SYK: variants seen among roughly 807,000 people sequenced by gnomAD.
SYK encodes tyrosine-protein kinase SYK.
SYK carries 16 observed loss-of-function variants against 77.8 expected under a neutral mutation model. That is an observed-to-expected ratio of 0.21 (90% CI 0.14 to 0.31). The LOEUF (loss-of-function observed/expected upper bound fraction) is 0.31, where lower values mean the gene tolerates loss of function less well. SYK is among the 10% of genes least tolerant of loss of function. The pLI, the probability that SYK is intolerant of heterozygous loss-of-function variation, is 1.00. For synonymous variants in SYK, 312 were observed against 308.7 expected, an observed-to-expected ratio of 1.01 and a Z score of -0.11; for missense variants, 529 against 814.4, an observed-to-expected ratio of 0.65 and a Z score of 4.26.
chr9:90,841,059 T>A (rs1826293131), intron 1 of SYK, among the ~76,000 whole-genome samples: 1 of 144,568 alleles, frequency 6.9e-6, no homozygotes, highest in African/African-American at 2.4e-5. Context: ...TAGTGTAGTG[T>A]TAGTTGTGTG....
At chr9:90,892,849 G>A (rs928549565) in intron 13 of SYK, among the ~76,000 whole-genome samples, 9 of 152,260 alleles carry the variant, frequency 5.9e-5, no homozygotes, top group African/African-American at 2.2e-4. Context: ...TTCTCTGAGA[G>A]TCAGGGAGGC....
chr9:90,875,175 G>A (rs116290818), intron 9 of SYK, among the ~76,000 whole-genome samples: 1,772 of 152,058 alleles, frequency 0.012, 36 homozygotes, highest in African/African-American at 0.04. Flanking sequence ...GGGATAGGAG[G>A]ATTGTTTGAG....
intron 7 of SYK, among the ~76,000 whole-genome samples, chr9:90,872,482 G>A (rs762592516): frequency 9.8e-5 from 15 of 152,312 alleles, no homozygotes; most frequent in East Asian, 1.9e-4. Flanking sequence ...AATTGGTTGC[G>A]GGAGAAAACT....
rs1227641450 is a variant in SYK at position 90,887,887 on chromosome 9, C to T, written c.1720C>T (p.Arg574Ter). The T allele has an allele frequency of 6.2e-7, 1 of 1,600,390 alleles. No individual in the cohort carries two copies. Residue 574 changes from arginine (R) to a stop codon, truncating the protein, a stop_gained and splice_region_variant, in exon 12 of 14, where the codon CGA becomes TGA. Transcript: ENST00000375754. LOFTEE classifies it high-confidence loss of function. ...ATTCTCCTATGGGCAGAAGCCATAT[C>T]GAGTGAGCCAGTCCTGCTTCATTTT... Reference protein sequence around the residue: ...EAFSYGQKPYRGMKGSEVTAM... With the variant: ...EAFSYGQKPY
intron 11 of SYK, among the ~76,000 whole-genome samples, chr9:90,883,816 G>A (rs1047366672): frequency 6.6e-6 from 1 of 152,022 alleles, no homozygotes; most frequent in Non-Finnish European, 1.5e-5. Context: ...CTGCCCACAT[G>A]CCCAGCCACT....
chr9:90,826,721 A>G (rs575293357), intron 1 of SYK, among the ~76,000 whole-genome samples: 12 of 152,184 alleles, frequency 7.9e-5, no homozygotes, highest in African/African-American at 2.6e-4. Flanking sequence ...AGTGTGGAGG[A>G]TGTCACAGAC....
At chr9:90,827,698 C>T (rs1274241992) in intron 1 of SYK, 2 of 152,242 alleles carry the variant, frequency 1.3e-5, no homozygotes, top group Non-Finnish European at 2.9e-5. Context: ...GTTTCCTCTC[C>T]TCTGCCGCTA....
chr9:90,838,266 A>G (rs899193335), intron 1 of SYK, among the ~76,000 whole-genome samples: 1 of 152,234 alleles, frequency 6.6e-6, no homozygotes, highest in Non-Finnish European at 1.5e-5. Flanking sequence ...GTGATATGGC[A>G]GTGAACAAGG....
rs988663784 is a variant in SYK, at chr9:90,898,450, G to T, written c.*2850G>T. The T allele has an allele frequency of 9.0e-6, 2 of 222,264 alleles. No individual in the cohort carries two copies. The highest frequency in any genetic ancestry group is 1.8e-5 in the Non-Finnish European group (2 of 111,332). 13.8% of individuals were successfully genotyped at this position (222,264 alleles called of 1,614,324 possible). A position where few individuals can be genotyped will look rare whatever the true frequency, so the allele number is the denominator to read the frequency against. On this transcript the variant is annotated 3_prime_UTR_variant, in exon 14 of 14. Coordinates refer to ENST00000375754, the MANE Select transcript of SYK (RefSeq NM_003177.7). ...AGCCCTGCAGAGAGCTCCCTCCACT[G>T]GTTAGCAGTGTGTTGTGTTTTCCAT...
intron 3 of SYK, among the ~76,000 whole-genome samples, chr9:90,850,963 C>T (rs1478085260): frequency 2.0e-5 from 3 of 152,150 alleles, no homozygotes; most frequent in Non-Finnish European, 2.9e-5. Flanking sequence ...GAGATGCTGT[C>T]CAACTCGGAT....
chr9:90,884,908 T>TATATATACATATATAC lies in SYK; in HGVS notation c.1582-2826_1582-2825insCATATATACATATATA, dbSNP rs1339089195. Among the ~76,000 whole-genome samples, 2 of 112,712 alleles carry TATATATACATATATAC rather than the reference T, an allele frequency of 1.8e-5. 1 individual carries two copies. Among genetic ancestry groups the TATATATACATATATAC allele is most frequent in the Non-Finnish European group, 3.8e-5 (2 of 52,570 alleles). The allele number at this position is 112,712 out of a possible 152,430, so 73.9% of individuals were successfully genotyped here. A position where few individuals can be genotyped will look rare whatever the true frequency, so the allele number is the denominator to read the frequency against. The stretch of plus-strand genomic sequence containing the variant: ...ATATATATACATATGCACATATGTG[T>TATATATACATATATAC]ATATATACATATATATACATATGCA... On this transcript the variant is annotated intron_variant, in intron 11 of 13. Coordinates refer to ENST00000375754, the MANE Select transcript of SYK (RefSeq NM_003177.7).
chr9:90,851,184 A>G (rs903066613), intron 3 of SYK, among the ~76,000 whole-genome samples: 1 of 152,156 alleles, frequency 6.6e-6, no homozygotes, highest in Non-Finnish European at 1.5e-5. Flanking sequence ...AACCAAATCC[A>G]TCTCCAGATG....
intron 7 of SYK, among the ~76,000 whole-genome samples, chr9:90,872,636 G>C (rs1164327660): frequency 1.3e-5 from 2 of 152,174 alleles, no homozygotes; most frequent in Non-Finnish European, 2.9e-5. Context: ...AAAAGAAATA[G>C]ATTGTCATTT....
intron 1 of SYK, among the ~76,000 whole-genome samples, chr9:90,838,620 GGCTGAGGGGTA>G: frequency 6.6e-6 from 1 of 152,310 alleles, no homozygotes; most frequent in Non-Finnish European, 1.5e-5. Flanking sequence ...AGACCCAGCA[GGCTGAGGGGTA>G]CAGGTGGAGT....
intron 1 of SYK, among the ~76,000 whole-genome samples, chr9:90,809,552 A>G (rs1032670108): frequency 6.6e-6 from 1 of 152,232 alleles, no homozygotes; most frequent in Non-Finnish European, 1.5e-5. Flanking sequence ...CTCATCACCA[A>G]TGGTTACACA....
intron 3 of SYK, among the ~76,000 whole-genome samples, chr9:90,854,476 A>G (rs1333146819): frequency 2.0e-5 from 3 of 152,112 alleles, no homozygotes; most frequent in South Asian, 2.1e-4. Flanking sequence ...AGTTGCAAGA[A>G]CATCACTGTC....
intron 1 of SYK, among the ~76,000 whole-genome samples, chr9:90,841,402 G>A (rs984640888): frequency 4.2e-5 from 6 of 143,030 alleles, no homozygotes; most frequent in South Asian, 2.3e-4. Context: ...TGTGTATGAC[G>A]TGTGCAGTGT....
At chr9:90,805,133 C>A (rs1385643237) in intron 1 of SYK, among the ~76,000 whole-genome samples, 1 of 152,178 alleles carries the variant, frequency 6.6e-6, no homozygotes, top group African/African-American at 2.4e-5. Context: ...TGATTCTTTT[C>A]TTTCTGGGAC....
chr9:90,815,820 A>C (rs1211199130), intron 1 of SYK, among the ~76,000 whole-genome samples: 1 of 152,158 alleles, frequency 6.6e-6, no homozygotes, highest in Non-Finnish European at 1.5e-5. Flanking sequence ...GCTGCTGCTC[A>C]CTTCTGCAGT....
Sources: gnomAD v4.1 joint callset for allele counts (sites outside exome capture counted in the v4.1 genomes callset) on GRCh38, gnomAD v4.1.1 for gene constraint, MANE v1.5 for transcripts, NCBI Gene and HGNC (gene_info 2026-07-23, HGNC 2026-07-21) for gene names.